MOXD1: variants seen among roughly 807,000 people sequenced by gnomAD.
MOXD1 encodes the protein monooxygenase DBH like 1, also known as DBH-like monooxygenase protein 1.
In MOXD1, 62 loss-of-function variants were observed where a neutral mutation model predicts 66.6. The observed-to-expected ratio is 0.93, with a 90% confidence interval of 0.76 to 1.15. The LOEUF (loss-of-function observed/expected upper bound fraction) is 1.15. Among genes scored for constraint, MOXD1 ranks in the 50% most tolerant of loss-of-function variants. MOXD1 has a pLI of 0.00. For missense variants in MOXD1, 847 were observed against 754.6 expected (o/e 1.12, Z -1.44); for synonymous variants, 303 against 281.9 (o/e 1.07, Z -0.75).
chr6:132,348,261 G>A (rs1775705909), intron 4 of MOXD1, among the ~76,000 whole-genome samples: 1 of 152,156 alleles, frequency 6.6e-6, no homozygotes, highest in African/African-American at 2.4e-5. Flanking sequence ...AATTTGCAAA[G>A]TTAACAGAAA....
chr6:132,299,067 A>G (rs1280598446), intron 10 of MOXD1, among the ~76,000 whole-genome samples: 1 of 152,228 alleles, frequency 6.6e-6, no homozygotes, highest in Non-Finnish European at 1.5e-5. Context: ...TGTGGTACAT[A>G]TACACCATGG....
Position 132,319,046 on chromosome 6 carries a change from A to C in MOXD1, c.1365+1583T>G, listed in dbSNP as rs116037735. The stretch of plus-strand genomic sequence containing the variant: ...TAACTTGGGACTCAAAGCATATTGT[A>C]TTAATCGCCAGTTTTAAAATAAGCC... On this transcript the variant is annotated intron_variant, in intron 9 of 11. Transcript: ENST00000367963. Among the ~76,000 whole-genome samples, 2 of 151,918 alleles carry C rather than the reference A, an allele frequency of 1.3e-5. 1 individual carries two copies. Among genetic ancestry groups the C allele is most frequent in the Non-Finnish European group, 2.9e-5 (2 of 67,864 alleles).
intron 1 of MOXD1, chr6:132,391,320 C>T (rs988887851): frequency 6.6e-6 from 1 of 152,056 alleles, no homozygotes; most frequent in African/African-American, 2.4e-5. Context: ...CTGATCTATA[C>T]ATTATTTGTA....
intron 4 of MOXD1, among the ~76,000 whole-genome samples, chr6:132,361,309 C>T (rs1158773019): frequency 6.8e-6 from 1 of 147,654 alleles, no homozygotes; most frequent in Non-Finnish European, 1.5e-5. Flanking sequence ...TTTGCCTCTC[C>T]ATTTTCACCA....
chr6:132,336,271 C>A (rs1304719064), intron 4 of MOXD1, among the ~76,000 whole-genome samples: 4 of 152,172 alleles, frequency 2.6e-5, no homozygotes, highest in African/African-American at 7.2e-5. Context: ...GCTTTACATA[C>A]CCACCTGAGG....
intron 4 of MOXD1, among the ~76,000 whole-genome samples, chr6:132,370,544 TCTATC>T (rs1196948788): frequency 6.6e-6 from 1 of 152,104 alleles, no homozygotes; most frequent in East Asian, 1.9e-4. Flanking sequence ...AGATAAGGAA[TCTATC>T]CTATAAGTGG....
intron 1 of MOXD1, among the ~76,000 whole-genome samples, chr6:132,397,288 T>C (rs1776906601): frequency 6.6e-6 from 1 of 152,268 alleles, no homozygotes; most frequent in Admixed American, 6.5e-5. Flanking sequence ...GTTAAGCTAC[T>C]CTGTATGGAG....
intron 1 of MOXD1, 41 bp downstream of exon 1, chr6:132,401,122 C>T: frequency 6.9e-7 from 1 of 1,458,354 alleles, no homozygotes; most frequent in East Asian, 2.7e-5. Context: ...CCGGACGGGA[C>T]CGGGCTCGGC....
At chr6:132,400,871 A>T (rs2114705860) in intron 1 of MOXD1, among the ~76,000 whole-genome samples, 1 of 152,228 alleles carries the variant, frequency 6.6e-6, no homozygotes, top group African/African-American at 2.4e-5. Context: ...GGTGTATTGC[A>T]GGTGTGTAGG....
chr6:132,399,083 A>G (rs1228694135), intron 1 of MOXD1, among the ~76,000 whole-genome samples: 1 of 152,174 alleles, frequency 6.6e-6, no homozygotes, highest in Non-Finnish European at 1.5e-5. Flanking sequence ...GGAATCATTC[A>G]GCCTGAATAA....
intron 4 of MOXD1, among the ~76,000 whole-genome samples, chr6:132,333,720 G>A (rs1775373546): frequency 6.6e-6 from 1 of 152,206 alleles, no homozygotes; most frequent in Non-Finnish European, 1.5e-5. Context: ...CCACATTCTT[G>A]TACAAAGGTG....
intron 1 of MOXD1, 105 bp downstream of exon 1, chr6:132,401,058 T>TGA: frequency 1.5e-6 from 2 of 1,313,248 alleles, no homozygotes; most frequent in South Asian, 1.7e-5. Context: ...CTGCGCCAGG[T>TGA]GAGAGAGAGC....
At chr6:132,303,841 A>G (rs1032014978) in intron 10 of MOXD1, among the ~76,000 whole-genome samples, 3,875 of 46,546 alleles carry the variant, frequency 0.083, 70 homozygotes, top group East Asian at 0.24. Flanking sequence ...GTGTGTATAT[A>G]TATATATATA....
chr6:132,322,589 C>T, intron 8 of MOXD1, 90 bp downstream of exon 8: 1 of 1,304,304 alleles, frequency 7.7e-7, no homozygotes. Context: ...AGGAAAAATT[C>T]ATTTCACTAG....
chr6:132,339,867 C>CTTTT (rs373137834), intron 4 of MOXD1, among the ~76,000 whole-genome samples: 5 of 132,352 alleles, frequency 3.8e-5, no homozygotes, highest in African/African-American at 8.7e-5. Flanking sequence ...AGCTACAGCT[C>CTTTT]TTTTTTTTTT....
intron 4 of MOXD1, among the ~76,000 whole-genome samples, chr6:132,364,646 T>TA: frequency 6.6e-6 from 1 of 152,184 alleles, no homozygotes; most frequent in Non-Finnish European, 1.5e-5. Context: ...TCCTAATTTT[T>TA]ATCTTTATTT....
chr6:132,320,949 T>C (rs1775065630), intron 8 of MOXD1, among the ~76,000 whole-genome samples: 1 of 152,152 alleles, frequency 6.6e-6, no homozygotes, highest in East Asian at 1.9e-4. Context: ...AATTTGTTCA[T>C]TTAAAACCTA....
In MOXD1 at chr6:132,380,225, C is replaced by T. The variant is rs559101538; in HGVS notation, c.265-5448G>A. Among the ~76,000 whole-genome samples, 6 of 152,278 alleles carry T rather than the reference C, an allele frequency of 3.9e-5. No individual in the cohort carries two copies. In the East Asian group the frequency reaches 1.2e-3, roughly 29 times the overall value. On this transcript the variant is annotated intron_variant, in intron 1 of 11. Transcript: ENST00000367963. ...GTCATAGTCTTCCTTGAAAAATCAC[C>T]CTCAGTGTGTCATTGCATTTTATTC...
At chr6:132,378,872 CCTCTT>C (rs1776448787) in intron 1 of MOXD1, among the ~76,000 whole-genome samples, 1 of 100,094 alleles carries the variant, frequency 1.0e-5, no homozygotes, top group Non-Finnish European at 2.2e-5. Context: ...CAGAACACTT[CCTCTT>C]TTTTTTTTTT....
Sources: allele counts gnomAD v4.1 joint callset (sites outside exome capture counted in the v4.1 genomes callset), GRCh38; gene constraint gnomAD v4.1.1; transcripts MANE v1.5; gene names NCBI Gene and HGNC (gene_info 2026-07-23, HGNC 2026-07-21).